Variants in PRKD1 observed in about 807,000 individuals in gnomAD.
PRKD1 encodes the protein protein kinase D1, also known as serine/threonine-protein kinase D1.
Under a neutral mutation model 95.9 loss-of-function variants are expected in PRKD1, and 63 were observed. The observed-to-expected ratio is 0.66, with a 90% CI of 0.54 to 0.81. The LOEUF is 0.81. Among genes scored for constraint, PRKD1 ranks in the 30% least tolerant of loss-of-function variants. PRKD1 has a pLI of 0.00. For missense variants in PRKD1, 1,048 were observed against 1,165.3 expected, an observed-to-expected ratio of 0.90 and a Z score of 1.47; for synonymous variants, 425 against 423.1, an observed-to-expected ratio of 1.00 and a Z score of -0.05.
At chr14:29,766,378 AG>A (rs148735401) in intron 1 of PRKD1, among the ~76,000 whole-genome samples, 5,158 of 152,292 alleles carry the variant, frequency 0.034, 145 homozygotes, top group African/African-American at 0.067. Flanking sequence ...AGAGTATTCA[AG>A]GAACAGGGAA....
At chr14:29,705,016 C>G (rs184408926) in intron 2 of PRKD1, among the ~76,000 whole-genome samples, 22 of 152,110 alleles carry the variant, frequency 1.4e-4, no homozygotes, top group Admixed American at 1.2e-3. Context: ...ATTGCTCTGC[C>G]CTGACAAGAG....
chr14:29,595,784 GTGTT>G (rs746267543), intron 16 of PRKD1, among the ~76,000 whole-genome samples: 33 of 152,324 alleles, frequency 2.2e-4, no homozygotes, highest in Non-Finnish European at 3.4e-4. Flanking sequence ...TAACAGGAAA[GTGTT>G]TGATTGGCTT....
intron 2 of PRKD1, among the ~76,000 whole-genome samples, chr14:29,688,948 C>CAAAAAAAAAAAAAAAAAAAAAAAAA (rs377212196): frequency 3.1e-5 from 1 of 32,488 alleles, no homozygotes. Context: ...GACTCCGTCT[C>CAAAAAAAAAAAAAAAAAAAAAAAAA]AAAAAAAAAA....
intron 1 of PRKD1, among the ~76,000 whole-genome samples, chr14:29,849,574 CAACAA>C (rs985563388): frequency 1.0e-4 from 14 of 139,752 alleles, no homozygotes; most frequent in South Asian, 2.3e-4. Context: ...ACAACAACAA[CAACAA>C]AAAAAAAACT....
chr14:29,869,440 A>C (rs1280671688), intron 1 of PRKD1, among the ~76,000 whole-genome samples: 1 of 151,988 alleles, frequency 6.6e-6, no homozygotes, highest in African/African-American at 2.4e-5. Context: ...TCCATCTCAA[A>C]AAGAAAAAAA....
chr14:29,768,996 A>C (rs990327438), intron 1 of PRKD1, among the ~76,000 whole-genome samples: 2 of 151,326 alleles, frequency 1.3e-5, no homozygotes, highest in African/African-American at 4.8e-5. Flanking sequence ...CCACCCTACC[A>C]CCACCCTCAC....
chr14:29,788,646 C>A (rs1219239854), intron 1 of PRKD1, among the ~76,000 whole-genome samples: 1 of 152,056 alleles, frequency 6.6e-6, no homozygotes, highest in Non-Finnish European at 1.5e-5. Context: ...TTTCAAAAGA[C>A]CTGTCTTCCA....
intron 1 of PRKD1, among the ~76,000 whole-genome samples, chr14:29,875,155 G>T (rs1412282021): frequency 1.3e-5 from 2 of 151,950 alleles, no homozygotes; most frequent in Non-Finnish European, 2.9e-5. Flanking sequence ...CCTATCTTAG[G>T]CAAATCTTTT....
At chr14:29,806,366 A>G (rs1000713577) in intron 1 of PRKD1, among the ~76,000 whole-genome samples, 2 of 152,162 alleles carry the variant, frequency 1.3e-5, no homozygotes, top group African/African-American at 4.8e-5. Context: ...TGGGAGAAGG[A>G]GGGTATGCTG....
At chr14:29,737,114 A>AC (rs1886755210) in intron 1 of PRKD1, among the ~76,000 whole-genome samples, 1 of 151,320 alleles carries the variant, frequency 6.6e-6, no homozygotes, top group African/African-American at 2.4e-5. Flanking sequence ...TGAGGTCAGG[A>AC]GATCGAGACC....
chr14:29,896,917 A>G (rs1479910027), intron 1 of PRKD1, among the ~76,000 whole-genome samples: 45 of 152,132 alleles, frequency 3.0e-4, no homozygotes, highest in South Asian at 1.0e-3. Context: ...CCAATAATGT[A>G]AGTGCATGTT....
At chr14:29,707,920 C>T (rs1243886974) in intron 2 of PRKD1, among the ~76,000 whole-genome samples, 1 of 152,128 alleles carries the variant, frequency 6.6e-6, no homozygotes, top group Non-Finnish European at 1.5e-5. Context: ...CCTTCCAAGA[C>T]CTCTCAAAAA....
chr14:29,774,707 T>C (rs879722467), intron 1 of PRKD1, among the ~76,000 whole-genome samples: 1 of 151,780 alleles, frequency 6.6e-6, no homozygotes, highest in Admixed American at 6.6e-5. Context: ...AGTCATTATC[T>C]TCATTTAAAG....
intron 1 of PRKD1, among the ~76,000 whole-genome samples, chr14:29,867,547 G>A (rs1892953932): frequency 6.6e-6 from 1 of 152,192 alleles, no homozygotes; most frequent in Non-Finnish European, 1.5e-5. Flanking sequence ...GGTGGCAGGG[G>A]CCACATCACA....
chr14:29,649,640 C>T (rs1200618182), intron 4 of PRKD1, among the ~76,000 whole-genome samples: 2 of 151,942 alleles, frequency 1.3e-5, no homozygotes, highest in Non-Finnish European at 1.5e-5. Flanking sequence ...AAATACATGG[C>T]TAATTGTTTT....
At chr14:29,672,332 C>T (rs955548156) in intron 2 of PRKD1, among the ~76,000 whole-genome samples, 1 of 150,392 alleles carries the variant, frequency 6.6e-6, no homozygotes, top group Non-Finnish European at 1.5e-5. Context: ...CAGAGCGAGA[C>T]TCTGTCTCAA....
chr14:29,908,900 T>C (rs1048462881), intron 1 of PRKD1, among the ~76,000 whole-genome samples: 4 of 152,136 alleles, frequency 2.6e-5, no homozygotes, highest in Non-Finnish European at 5.9e-5. Flanking sequence ...TGGCCACGCT[T>C]GAGGAGCCCT....
At chr14:29,676,177 G>GGTTTTTTTTTTTTTTTTTT (rs1555334424) in intron 2 of PRKD1, among the ~76,000 whole-genome samples, 1 of 104,762 alleles carries the variant, frequency 9.5e-6, no homozygotes, top group African/African-American at 4.2e-5. Flanking sequence ...AGTTCATTAC[G>GGTTTTTTTTTTTTTTTTTT]TTTTTGTTTT....
At chr14:29,748,893 C>G (rs1476434982) in intron 1 of PRKD1, among the ~76,000 whole-genome samples, 1 of 151,848 alleles carries the variant, frequency 6.6e-6, no homozygotes, top group Non-Finnish European at 1.5e-5. Flanking sequence ...AAACGAAATC[C>G]TTAATGTTGT....
Sources: allele counts gnomAD v4.1 joint callset (sites outside exome capture counted in the v4.1 genomes callset), GRCh38; gene constraint gnomAD v4.1.1; transcripts MANE v1.5; gene names NCBI Gene and HGNC (gene_info 2026-07-23, HGNC 2026-07-21).